C10orf90: variants seen among roughly 807,000 people sequenced by gnomAD.
C10orf90 encodes the protein chromosome 10 open reading frame 90.
Under a neutral mutation model 62.5 loss-of-function variants are expected in C10orf90, and 56 were observed. The ratio of observed to expected loss-of-function variants is 0.90; its 90% CI spans 0.72 to 1.12. The LOEUF (loss-of-function observed/expected upper bound fraction) is 1.12. C10orf90 is among the 50% of genes most tolerant of loss of function. The pLI is 0.00. For synonymous variants in C10orf90, 386 were observed against 340.4 expected (o/e 1.13, Z -1.47); for missense variants, 970 against 880.4 (o/e 1.10, Z -1.29).
Position 126,571,799 on chromosome 10 carries a change from C to T in C10orf90, c.314-57860G>A, listed in dbSNP as rs549216986. 6.2e-4 allele frequency among the ~76,000 whole-genome samples: 94 copies of T among 152,156 alleles called. 1 individual carries two copies. Among genetic ancestry groups the T allele is most frequent in the African/African-American group, 1.9e-3 (79 of 41,524 alleles). ...AGAGAACAGAACCTGGGACTCCAGG[C>T]GTAAATAAACCCAAGACCTCAGGCC... On this transcript the variant is annotated intron_variant, in intron 2 of 9. Coordinates refer to ENST00000488181, the MANE Select transcript of C10orf90 (RefSeq NM_001350921.2).
intron 2 of C10orf90, among the ~76,000 whole-genome samples, chr10:126,635,241 A>G (rs1316329058): frequency 1.3e-5 from 2 of 152,230 alleles, no homozygotes; most frequent in Admixed American, 1.3e-4. Context: ...GCTATTTAAT[A>G]CCGGAAAAGG....
rs375830326 is a variant in C10orf90, at chr10:126,483,623, A to T, written c.1535-18637T>A. ...TGAGATCATAAGATGTATTCTTATA[A>T]GGTAATCCTTAAAAAGGAGGACTGC... On this transcript the variant is annotated intron_variant, in intron 4 of 9. Coordinates refer to ENST00000488181, the MANE Select transcript of C10orf90 (RefSeq NM_001350921.2). Among the ~76,000 whole-genome samples the T allele has an allele frequency of 1.5e-4, 23 of 152,346 alleles. No individual in the cohort carries two copies. In the East Asian group the frequency reaches 3.1e-3, roughly 20 times the overall value.
chr10:126,503,502 T>C (rs1862521278), intron 4 of C10orf90, among the ~76,000 whole-genome samples: 1 of 152,190 alleles, frequency 6.6e-6, no homozygotes, highest in South Asian at 2.1e-4. Context: ...AGCTTTGCAG[T>C]CTAGCTTTTA....
chr10:126,525,785 G>A (rs925455290), intron 2 of C10orf90, among the ~76,000 whole-genome samples: 4 of 150,746 alleles, frequency 2.7e-5, no homozygotes, highest in Admixed American at 2.6e-4. Context: ...AGCAAAGCCA[G>A]ACAATTAGAA....
intron 2 of C10orf90, among the ~76,000 whole-genome samples, chr10:126,593,615 T>C (rs1001747047): frequency 1.3e-5 from 2 of 152,004 alleles, no homozygotes; most frequent in African/African-American, 4.8e-5. Context: ...ACCTAGGAGA[T>C]GGGTTAATCT....
In C10orf90 at chr10:126,504,127, C is replaced by A. The variant is rs770625114; in HGVS notation, c.1364G>T (p.Gly455Val). 4 of 1,614,142 alleles carry A rather than the reference C, an allele frequency of 2.5e-6. No individual in the cohort carries two copies. In the Admixed American group the frequency reaches 6.7e-5, roughly 27 times the overall value. Residue 455 changes from glycine to valine, a missense_variant, in exon 4 of 10, where the codon GGC (glycine) becomes GTC (valine). Physicochemically the swap from Gly to Val is moderately radical, Grantham distance 109. Transcript: ENST00000488181. The surrounding 1 kb of genome is among the most constrained non-coding windows in gnomAD (Gnocchi z 4.1). ...AAAAGAACCACTCCAAGGACAAGCGCCGGTCCCCAAATGCACCCGCCTCAA... is the reference window on the plus strand; with the variant it reads ...AAAAGAACCACTCCAAGGACAAGCGACGGTCCCCAAATGCACCCGCCTCAA... ...PSLRRVHLGT[G>V]ACPWSGSFPL... is the part of the protein sequence containing the mutation.
At chr10:126,502,546 T>A (rs558491929) in intron 4 of C10orf90, 8 of 175,406 alleles carry the variant, frequency 4.6e-5, no homozygotes, top group African/African-American at 1.9e-4. Context: ...CTTGCTGCCC[T>A]CCTCTGAGAT....
intron 6 of C10orf90, among the ~76,000 whole-genome samples, chr10:126,460,540 G>A (rs530781894): frequency 6.6e-6 from 1 of 152,360 alleles, no homozygotes; most frequent in Admixed American, 6.5e-5. Flanking sequence ...CAGGAACAGA[G>A]AACCACAAGG....
chr10:126,569,541 G>T (rs1458027447), intron 2 of C10orf90, among the ~76,000 whole-genome samples: 1 of 152,180 alleles, frequency 6.6e-6, no homozygotes, highest in African/African-American at 2.4e-5. Context: ...GCAGGCCACA[G>T]TTGGGGTATA....
Position 126,503,675 on chromosome 10 carries a change from T to C in C10orf90, c.1534+282A>G, listed in dbSNP as rs190921965. ...TGGGCATGTTGTAAATTAACTTCCT[T>C]TGGAGGCCCTCATTTCCTTCTCATT... On this transcript the variant is annotated intron_variant, in intron 4 of 9. Transcript: ENST00000488181. Among the ~76,000 whole-genome samples the C allele has an allele frequency of 2.6e-3, 389 of 152,268 alleles. 1 individual carries two copies. The highest frequency in any genetic ancestry group is 4.7e-3 in the Non-Finnish European group (323 of 68,016).
chr10:126,619,460 G>A (rs183392229), intron 2 of C10orf90, among the ~76,000 whole-genome samples: 29 of 152,242 alleles, frequency 1.9e-4, no homozygotes, highest in African/African-American at 5.3e-4. Flanking sequence ...TCTTGACAAC[G>A]TCTACTTCAT....
chr10:126,448,165 C>T (rs911843078), intron 7 of C10orf90, among the ~76,000 whole-genome samples: 16 of 151,594 alleles, frequency 1.1e-4, no homozygotes, highest in South Asian at 6.3e-4. Flanking sequence ...CCACCGCACC[C>T]GGCCACATAT....
intron 7 of C10orf90, among the ~76,000 whole-genome samples, chr10:126,457,445 C>T (rs1859657807): frequency 1.3e-5 from 2 of 152,148 alleles, no homozygotes; most frequent in Admixed American, 6.5e-5. Context: ...GAGGTGCTGG[C>T]CCAGAAGAGG....
At chr10:126,428,639 G>A (rs577808003) in intron 8 of C10orf90, among the ~76,000 whole-genome samples, 2 of 148,224 alleles carry the variant, frequency 1.3e-5, no homozygotes, top group South Asian at 2.2e-4. Flanking sequence ...GACTACTCAC[G>A]CTGCTTTGAG....
intron 4 of C10orf90, among the ~76,000 whole-genome samples, chr10:126,500,029 C>T (rs1248695269): frequency 6.6e-6 from 1 of 152,190 alleles, no homozygotes; most frequent in Non-Finnish European, 1.5e-5. Context: ...TTTCACAGAC[C>T]ACCACAAAGA....
intron 2 of C10orf90, among the ~76,000 whole-genome samples, chr10:126,601,496 T>A (rs12249451): frequency 6.6e-6 from 1 of 152,228 alleles, no homozygotes; most frequent in Non-Finnish European, 1.5e-5. Flanking sequence ...ACACAGGGAC[T>A]GTGCTTTACT....
rs773731823 is a variant in C10orf90, at chr10:126,600,713, G to A, written c.313+45852C>T. ...GCTACACATAAAAGACTGAATGTGT[G>A]TGTGTGTTTCTTAGGCGTGTGTGTG... is the stretch of plus-strand genomic sequence containing the variant. On this transcript the variant is annotated intron_variant, in intron 2 of 9. Transcript: ENST00000488181. Among the ~76,000 whole-genome samples, 78 of 152,082 alleles carry A rather than the reference G, an allele frequency of 5.1e-4. 2 individuals are homozygous for A. Among genetic ancestry groups the A allele is most frequent in the Non-Finnish European group, 1.2e-4 (8 of 68,018 alleles).
At chr10:126,489,014 C>T (rs118104259) in intron 4 of C10orf90, among the ~76,000 whole-genome samples, 66 of 152,122 alleles carry the variant, frequency 4.3e-4, no homozygotes, top group Admixed American at 5.2e-4. Flanking sequence ...GAGGAGAGAA[C>T]GTTTCCCAGT....
At position 126,456,235 on chromosome 10, in the gene C10orf90, G is replaced by A. The variant is rs565049524; in HGVS notation, c.2188+2805C>T. Reference sequence around the variant, plus strand: ...CTTAAACATTTCTTCTCACTTGCCCGAGCTTGTATGAGGCTCTGGTTTCAG... The same window carrying A: ...CTTAAACATTTCTTCTCACTTGCCCAAGCTTGTATGAGGCTCTGGTTTCAG... On this transcript the variant is annotated intron_variant, in intron 7 of 9. Coordinates refer to ENST00000488181, the MANE Select transcript of C10orf90 (RefSeq NM_001350921.2). The surrounding 1 kb of genome is among the most constrained non-coding windows in gnomAD (Gnocchi z 4.9). Among the ~76,000 whole-genome samples, 8 of 152,296 alleles carry A rather than the reference G, an allele frequency of 5.3e-5. No homozygotes were observed. The East Asian group carries it at 1.4e-3, about 26-fold the overall frequency.
Sources: gnomAD v4.1 joint callset for allele counts (sites outside exome capture counted in the v4.1 genomes callset) on GRCh38, gnomAD v4.1.1 for gene constraint, Gnocchi (gnomAD v3.1) non-coding constraint, MANE v1.5 for transcripts, NCBI Gene and HGNC (gene_info 2026-07-23, HGNC 2026-07-21) for gene names.